TSPEAR: variants seen among roughly 807,000 people sequenced by gnomAD.
TSPEAR encodes the protein thrombospondin-type laminin G domain and EAR repeat-containing protein.
In TSPEAR, 69 loss-of-function variants were observed where a neutral mutation model predicts 71.6. The observed-to-expected ratio is 0.96, with a 90% CI of 0.79 to 1.18. The LOEUF is 1.18. Ranked by LOEUF, TSPEAR falls within the 50% of genes most tolerant of loss-of-function variation. The pLI is 0.00. For missense variants in TSPEAR, 971 were observed against 894.9 expected, an observed-to-expected ratio of 1.09 and a Z score of -1.09; for synonymous variants, 402 against 387.2, an observed-to-expected ratio of 1.04 and a Z score of -0.45.
intron 1 of TSPEAR, among the ~76,000 whole-genome samples, chr21:44,596,002 G>A (rs1176461590): frequency 3.9e-5 from 6 of 152,086 alleles, no homozygotes; most frequent in Admixed American, 6.5e-5. Context: ...TTATCATCTC[G>A]GTTTCTGTGG....
At position 44,612,715 on chromosome 21, in the gene TSPEAR, C is replaced by G. The variant is rs782466661; in HGVS notation, c.83-44710G>C. The G allele has an allele frequency of 6.2e-7, 1 of 1,613,880 alleles. No homozygotes were observed. Among genetic ancestry groups the G allele is most frequent in the Admixed American group, 1.7e-5 (1 of 60,008 alleles). On this transcript the variant is annotated intron_variant, in intron 1 of 11. Coordinates refer to ENST00000323084, the MANE Select transcript of TSPEAR (RefSeq NM_144991.3). This position sits in a 1 kb window ranked among gnomAD's most constrained non-coding sequence, Gnocchi z 4.1. ...GCTGCACCACCTCCTGCTGCAGACC[C>G]TCCTCCTCCGTGTCCCTCCTCTGCC... is the stretch of plus-strand genomic sequence containing the variant.
intron 9 of TSPEAR, chr21:44,518,111 C>G (rs2052640312): frequency 2.8e-6 from 1 of 355,752 alleles, no homozygotes; most frequent in African/African-American, 2.1e-5. Context: ...TGTCCAAGCT[C>G]TCTGTCTCAT....
chr21:44,638,009 T>C, intron 1 of TSPEAR: 1 of 1,613,434 alleles, frequency 6.2e-7, no homozygotes, highest in South Asian at 1.1e-5. Flanking sequence ...CCACCCTGTG[T>C]GCAAGTCCAC....
chr21:44,707,561 A>G (rs898773562), intron 1 of TSPEAR, among the ~76,000 whole-genome samples: 1 of 151,746 alleles, frequency 6.6e-6, no homozygotes, highest in South Asian at 2.1e-4. Flanking sequence ...AAAGCTAAAC[A>G]TTCTTTATTT....
chr21:44,678,103 G>A, intron 1 of TSPEAR: 1 of 633,074 alleles, frequency 1.6e-6, no homozygotes. Flanking sequence ...AGCGGACGGT[G>A]CTGCTGGTGG....
chr21:44,514,970 C>G (rs1247308661), intron 9 of TSPEAR, among the ~76,000 whole-genome samples: 1 of 152,124 alleles, frequency 6.6e-6, no homozygotes, highest in Non-Finnish European at 1.5e-5. Flanking sequence ...TGCGCCCACC[C>G]TGTGTTTCTG....
intron 1 of TSPEAR, among the ~76,000 whole-genome samples, chr21:44,594,577 G>T (rs1331115167): frequency 1.3e-5 from 2 of 152,192 alleles, no homozygotes; most frequent in African/African-American, 4.8e-5. Context: ...AGTGAAAACA[G>T]GTCGTATGTT....
At chr21:44,590,258 C>T (rs995632745) in intron 1 of TSPEAR, among the ~76,000 whole-genome samples, 3 of 152,354 alleles carry the variant, frequency 2.0e-5, no homozygotes, top group South Asian at 4.1e-4. Context: ...TGCAGCGGCT[C>T]GTACCACTCG....
intron 1 of TSPEAR, among the ~76,000 whole-genome samples, chr21:44,640,642 T>A (rs1360256225): frequency 2.0e-5 from 3 of 152,144 alleles, no homozygotes; most frequent in Non-Finnish European, 4.4e-5. Flanking sequence ...TAAAAATGAA[T>A]GGCGCCAGAG....
At position 44,676,275 on chromosome 21, in the gene TSPEAR, G is replaced by A. The variant is rs189564451; in HGVS notation, c.82+35158C>T. 1,239 of 1,252,922 alleles carry A rather than the reference G, an allele frequency of 9.9e-4. 1 individual carries two copies. The highest frequency in any genetic ancestry group is 1.0e-3 in the Non-Finnish European group (874 of 851,244). The allele number at this position is 1,252,922 out of a possible 1,614,324, so 77.6% of individuals were successfully genotyped here. A position where few individuals can be genotyped will look rare whatever the true frequency, so the allele number is the denominator to read the frequency against. On this transcript the variant is annotated intron_variant, in intron 1 of 11. Coordinates refer to ENST00000323084, the MANE Select transcript of TSPEAR (RefSeq NM_144991.3). ...GGGTCTCTTCACTGTACACCCCATGGGTCAGGGACTCTGGAGGGATAGCTG... is the reference window on the plus strand; with the variant it reads ...GGGTCTCTTCACTGTACACCCCATGAGTCAGGGACTCTGGAGGGATAGCTG...
At chr21:44,563,180 A>T (rs1269404366) in intron 2 of TSPEAR, among the ~76,000 whole-genome samples, 1 of 152,176 alleles carries the variant, frequency 6.6e-6, no homozygotes, top group Non-Finnish European at 1.5e-5. Context: ...AGAGAATCAG[A>T]AATGATAAAA....
At chr21:44,555,587 G>A (rs1555919646) in intron 2 of TSPEAR, among the ~76,000 whole-genome samples, 1 of 152,178 alleles carries the variant, frequency 6.6e-6, no homozygotes, top group Non-Finnish European at 1.5e-5. Flanking sequence ...GGCGGTGAAG[G>A]GCACCAGGAT....
rs2051978866 is a variant in TSPEAR at position 44,499,099 on chromosome 21, T to TTGAGG, written c.*679_*683dup. ...AGGGAAAAAATCCCGGGCCCAGAAG[T>TTGAGG]TGAGGTCCCTGTGGGTGGGGCCGTG... On this transcript the variant is annotated 3_prime_UTR_variant, in exon 12 of 12. Coordinates refer to ENST00000323084, the MANE Select transcript of TSPEAR (RefSeq NM_144991.3). 6.6e-6 allele frequency: 1 copy of TTGAGG among 152,170 alleles called. No individual in the cohort carries two copies. The highest frequency in any genetic ancestry group is 1.5e-5 in the Non-Finnish European group (1 of 68,042). 9.4% of individuals were successfully genotyped at this position (152,170 alleles called of 1,614,324 possible).
chr21:44,660,733 G>A (rs1334270899), intron 1 of TSPEAR, among the ~76,000 whole-genome samples: 2 of 152,068 alleles, frequency 1.3e-5, no homozygotes, highest in Non-Finnish European at 2.9e-5. Flanking sequence ...TTGGGAGGCC[G>A]AGGTGGGTGG....
At chr21:44,582,838 C>CTTTCT (rs1251201444) in intron 1 of TSPEAR, among the ~76,000 whole-genome samples, 142,050 of 150,802 alleles carry the variant, frequency 0.94, 67,078 homozygotes, top group Non-Finnish European at 0.97. Context: ...TTCCTTCTTT[C>CTTTCT]TTTCTTTTCT....
chr21:44,591,540 G>A (rs1555926537), intron 1 of TSPEAR: 1 of 1,613,980 alleles, frequency 6.2e-7, no homozygotes, highest in South Asian at 1.1e-5. Flanking sequence ...GCACGCAGCA[G>A]GTGGACTTGC....
chr21:44,679,270 T>C (rs587615836), intron 1 of TSPEAR, among the ~76,000 whole-genome samples: 2 of 152,168 alleles, frequency 1.3e-5, no homozygotes, highest in Non-Finnish European at 2.9e-5. Flanking sequence ...TGCATAGACC[T>C]GCCCATGGAA....
chr21:44,670,140 G>C (rs1985986407), intron 1 of TSPEAR, among the ~76,000 whole-genome samples: 1 of 152,122 alleles, frequency 6.6e-6, no homozygotes, highest in Non-Finnish European at 1.5e-5. Context: ...ATTTTTTCTA[G>C]AAAGTAACAG....
At chr21:44,586,213 T>G (rs1979329803) in intron 1 of TSPEAR, among the ~76,000 whole-genome samples, 2 of 152,238 alleles carry the variant, frequency 1.3e-5, no homozygotes, top group African/African-American at 4.8e-5. Flanking sequence ...GCTGTCCCTG[T>G]GTCAGGGTCT....
Sources: allele counts gnomAD v4.1 joint callset (sites outside exome capture counted in the v4.1 genomes callset), GRCh38; gene constraint gnomAD v4.1.1; non-coding constraint Gnocchi (gnomAD v3.1); transcripts MANE v1.5; gene names NCBI Gene and HGNC (gene_info 2026-07-23, HGNC 2026-07-21).